Variants in TC2N observed in about 807,000 individuals in gnomAD.
TC2N encodes the protein tandem C2 domains, nuclear.
Under a neutral mutation model 61.9 loss-of-function variants are expected in TC2N, and 51 were observed. The observed-to-expected ratio is 0.82, with a 90% CI of 0.66 to 1.04. TC2N has a LOEUF of 1.04. Ranked by LOEUF, TC2N falls within the 50% of genes least tolerant of loss-of-function variation. The pLI is 0.00. For synonymous variants in TC2N, 204 were observed against 192.6 expected (o/e 1.06, Z -0.49); for missense variants, 556 against 566.7 (o/e 0.98, Z 0.19).
chr14:91,790,432 GAAACATTC>G (rs1885589918), intron 9 of TC2N, among the ~76,000 whole-genome samples: 1 of 152,124 alleles, frequency 6.6e-6, no homozygotes, highest in Non-Finnish European at 1.5e-5. Flanking sequence ...CCAATAATAT[GAAACATTC>G]ACACTTATTA....
rs553371943 is a variant in TC2N at position 91,816,289 on chromosome 14, T to C, written c.-56-2464A>G. On this transcript the variant is annotated intron_variant, in intron 1 of 11. Transcript: ENST00000435962. Reference sequence around the variant, plus strand: ...TTACCAACAAAATACACTGTCAAACTGATGCTTAATACCATGGACTTTTGC... The same window carrying C: ...TTACCAACAAAATACACTGTCAAACCGATGCTTAATACCATGGACTTTTGC... Among the ~76,000 whole-genome samples, 10 of 151,936 alleles carry C rather than the reference T, an allele frequency of 6.6e-5. No homozygotes were observed. In the South Asian group the frequency reaches 1.2e-3, roughly 19 times the overall value.
At chr14:91,800,835 T>C (rs1253382544) in intron 4 of TC2N, among the ~76,000 whole-genome samples, 1 of 152,060 alleles carries the variant, frequency 6.6e-6, no homozygotes, top group Non-Finnish European at 1.5e-5. Context: ...AGGAACTTTG[T>C]ATGCCAATTG....
chr14:91,808,536 TACATAC>T (rs1886623860), intron 3 of TC2N, among the ~76,000 whole-genome samples: 1 of 152,242 alleles, frequency 6.6e-6, no homozygotes, highest in Non-Finnish European at 1.5e-5. Flanking sequence ...CGTGCATACA[TACATAC>T]ACATATTTAA....
At chr14:91,841,976 CT>C (rs10682178) in intron 1 of TC2N, among the ~76,000 whole-genome samples, 107 of 125,740 alleles carry the variant, frequency 8.5e-4, no homozygotes, top group African/African-American at 2.6e-3. Flanking sequence ...TCCCTTCCAC[CT>C]TTTTTTTTTT....
rs754504482 is a variant in TC2N at position 91,785,330 on chromosome 14, C to T, written c.1194G>A (p.Ser398=). 9.9e-6 allele frequency: 16 copies of T among 1,613,348 alleles called. No homozygotes were observed. Among genetic ancestry groups the T allele is most frequent in the African/African-American group, 8.0e-5 (6 of 74,788 alleles). ...SFFVKVGMFS[S]GELIYKKKTR... ...TCTTTTTCTTATAAATCAACTCTCCCGAGCTAAACATTCCCACCTTCACGA... is the reference window on the plus strand; with the variant it reads ...TCTTTTTCTTATAAATCAACTCTCCTGAGCTAAACATTCCCACCTTCACGA... Residue 398 remains serine, a synonymous_variant, in exon 11 of 12, where the codon TCG becomes TCA. Transcript: ENST00000435962.
At chr14:91,850,395 C>G (rs898607846) in intron 1 of TC2N, among the ~76,000 whole-genome samples, 2 of 152,172 alleles carry the variant, frequency 1.3e-5, no homozygotes, top group African/African-American at 4.8e-5. Context: ...GCGGGGGTCC[C>G]CAAACCCCAG....
chr14:91,812,295 G>A lies in TC2N; in HGVS notation c.301+17C>T. ...TGCTACATATCGATTTTTAAATACTGCTATTTTATTGTTTACCTTCAAGTT... is the reference window on the plus strand; with the variant it reads ...TGCTACATATCGATTTTTAAATACTACTATTTTATTGTTTACCTTCAAGTT... On this transcript the variant is annotated intron_variant, in intron 3 of 11. Coordinates refer to ENST00000435962, the MANE Select transcript of TC2N (RefSeq NM_001128596.3). The A allele has an allele frequency of 7.0e-7, 1 of 1,420,286 alleles. No homozygotes were observed. Among genetic ancestry groups the A allele is most frequent in the Non-Finnish European group, 9.7e-7 (1 of 1,030,498 alleles). The allele number at this position is 1,420,286 out of a possible 1,614,324, so 88.0% of individuals were successfully genotyped here. A position where few individuals can be genotyped will look rare whatever the true frequency, so the allele number is the denominator to read the frequency against.
At chr14:91,800,427 T>G (rs1418226107) in intron 4 of TC2N, 55 bp from the exon 5 acceptor site, 1 of 974,132 alleles carries the variant, frequency 1.0e-6, no homozygotes, top group African/African-American at 1.7e-5. Flanking sequence ...GAATTCTACT[T>G]AATTACCATG....
chr14:91,835,851 A>G (rs1277495293), intron 1 of TC2N, among the ~76,000 whole-genome samples: 2 of 152,120 alleles, frequency 1.3e-5, no homozygotes, highest in African/African-American at 4.8e-5. Context: ...CCCAGAAACC[A>G]CCTGGACGCG....
At position 91,780,963 on chromosome 14, in the gene TC2N, G is replaced by A. The variant is rs1050617741; in HGVS notation, c.*2137C>T. 3 of 150,398 alleles carry A rather than the reference G, an allele frequency of 2.0e-5. No homozygotes were observed. The highest frequency in any genetic ancestry group is 7.5e-5 in the African/African-American group (3 of 39,900). 9.3% of individuals were successfully genotyped at this position (150,398 alleles called of 1,614,324 possible). A position where few individuals can be genotyped will look rare whatever the true frequency, so the allele number is the denominator to read the frequency against. On this transcript the variant is annotated 3_prime_UTR_variant, in exon 12 of 12. Transcript: ENST00000435962. ...TCTGTACCTGAAAGCTCTTTTAAAT[G>A]TAAGGGTTTTCTTTTTATTGTTTTA...
At chr14:91,853,697 G>C (rs1888423408) in intron 1 of TC2N, among the ~76,000 whole-genome samples, 1 of 141,942 alleles carries the variant, frequency 7.0e-6, no homozygotes. Flanking sequence ...CACAATCTGT[G>C]ATCAAAAAAG....
Position 91,782,636 on chromosome 14 carries a change from T to C in TC2N, c.*464A>G, listed in dbSNP as rs1392873840. 1 of 152,178 alleles carries C rather than the reference T, an allele frequency of 6.6e-6. No individual in the cohort carries two copies. Among genetic ancestry groups the C allele is most frequent in the Non-Finnish European group, 1.5e-5 (1 of 68,034 alleles). The allele number at this position is 152,178 out of a possible 1,614,324, so 9.4% of individuals were successfully genotyped here. On this transcript the variant is annotated 3_prime_UTR_variant, in exon 12 of 12. Coordinates refer to ENST00000435962, the MANE Select transcript of TC2N (RefSeq NM_001128596.3). ...TTCATTTTTACCGGGAGAAAATACA[T>C]AGCAAGAGGTAAACAGTGGAGCCAA... is the stretch of plus-strand genomic sequence containing the variant.
At chr14:91,819,913 A>G (rs1254899983) in intron 1 of TC2N, among the ~76,000 whole-genome samples, 1 of 152,122 alleles carries the variant, frequency 6.6e-6, no homozygotes, top group Admixed American at 6.5e-5. Context: ...TACAGCTTAT[A>G]AGCCAACAAA....
Position 91,813,816 on chromosome 14 carries a change from T to A in TC2N, c.-47A>T. On this transcript the variant is annotated 5_prime_UTR_variant, in exon 2 of 12. Coordinates refer to ENST00000435962, the MANE Select transcript of TC2N (RefSeq NM_001128596.3). ...AGCAAAAGACACAAACTTCCAATCTTAATATTAATCTGTTGGTAGAATAGA... is the reference window on the plus strand; with the variant it reads ...AGCAAAAGACACAAACTTCCAATCTAAATATTAATCTGTTGGTAGAATAGA... 1 of 1,324,442 alleles carries A rather than the reference T, an allele frequency of 7.6e-7. No homozygotes were observed. The highest frequency in any genetic ancestry group is 1.2e-5 in the South Asian group (1 of 83,126). The allele number at this position is 1,324,442 out of a possible 1,614,324, so 82.0% of individuals were successfully genotyped here.
At chr14:91,856,232 TA>T (rs1221603962) in intron 1 of TC2N, among the ~76,000 whole-genome samples, 1 of 152,162 alleles carries the variant, frequency 6.6e-6, no homozygotes, top group African/African-American at 2.4e-5. Flanking sequence ...CTCACACCTA[TA>T]ATCCCAGCAT....
At chr14:91,830,587 T>G (rs962236664) in intron 1 of TC2N, among the ~76,000 whole-genome samples, 28 of 152,052 alleles carry the variant, frequency 1.8e-4, no homozygotes, top group Non-Finnish European at 3.5e-4. Context: ...GGGTACAAGG[T>G]TTTTTTAGGA....
chr14:91,825,026 CTTTTTTTTTT>C (rs5810554), intron 1 of TC2N, among the ~76,000 whole-genome samples: 1 of 66,860 alleles, frequency 1.5e-5, no homozygotes, highest in African/African-American at 6.1e-5. Context: ...TTTTTCTTTT[CTTTTTTTTTT>C]TTTTTTTTTT....
At chr14:91,862,152 A>G (rs1309497125) in intron 1 of TC2N, among the ~76,000 whole-genome samples, 6 of 151,822 alleles carry the variant, frequency 4.0e-5, no homozygotes, top group African/African-American at 1.4e-4. Context: ...GGCCTGGGCA[A>G]CATGGCGAAA....
intron 1 of TC2N, among the ~76,000 whole-genome samples, chr14:91,862,504 G>A (rs752139531): frequency 1.3e-5 from 2 of 152,188 alleles, no homozygotes; most frequent in African/African-American, 4.8e-5. Context: ...AACCAGCAAA[G>A]GAGCGGAGTG....
Sources: gnomAD v4.1 joint callset for allele counts (sites outside exome capture counted in the v4.1 genomes callset) on GRCh38, gnomAD v4.1.1 for gene constraint, MANE v1.5 for transcripts, NCBI Gene and HGNC (gene_info 2026-07-23, HGNC 2026-07-21) for gene names.